The following RBFOX3 variants were observed in gnomAD, a reference collection of about 807,000 sequenced individuals.
RBFOX3 encodes the protein RNA binding fox-1 homolog 3.
In RBFOX3, 17 loss-of-function variants were observed where a neutral mutation model predicts 48.7. The ratio of observed to expected loss-of-function variants is 0.35; its 90% CI spans 0.24 to 0.52. RBFOX3 has a LOEUF of 0.52. Among genes scored for constraint, RBFOX3 ranks in the 20% least tolerant of loss-of-function variants. The probability of loss-of-function intolerance (pLI) is 0.94; values close to 1 mark genes in which losing one functional copy is unlikely to be tolerated. For synonymous variants in RBFOX3, 212 were observed against 209.5 expected, an observed-to-expected ratio of 1.01 and a Z score of -0.10; for missense variants, 382 against 497.5, an observed-to-expected ratio of 0.77 and a Z score of 2.21.
intron 4 of RBFOX3, among the ~76,000 whole-genome samples, chr17:79,155,162 G>T (rs1355149454): frequency 1.3e-5 from 2 of 152,244 alleles, no homozygotes; most frequent in Non-Finnish European, 2.9e-5. Flanking sequence ...CTAGTGCCGC[G>T]TCCCTCCCCG....
chr17:79,233,501 A>C (rs1291597621), intron 4 of RBFOX3: 1 of 152,198 alleles, frequency 6.6e-6, no homozygotes, highest in African/African-American at 2.4e-5. Context: ...TGTGATGTTT[A>C]TCATACCCCC....
chr17:79,655,956 T>C, the RBFOX3 span, among the ~76,000 whole-genome samples: 4 of 152,100 alleles, frequency 2.6e-5, no homozygotes, highest in Admixed American at 2.6e-4. Flanking sequence ...CTGGATGCCA[T>C]TCTCTACCTT....
chr17:79,096,899 G>A, intron 11 of RBFOX3, 66 bp from the exon 12 acceptor site: 1 of 616,790 alleles, frequency 1.6e-6, no homozygotes, highest in East Asian at 2.8e-5. Context: ...AAACCCCGGG[G>A]CCCATAGCCC....
At chr17:79,131,304 C>T (rs1568190334) in intron 4 of RBFOX3, among the ~76,000 whole-genome samples, 1 of 152,144 alleles carries the variant, frequency 6.6e-6, no homozygotes, top group East Asian at 1.9e-4. Context: ...ATGTGCCCTC[C>T]GTGTGCTGTG....
chr17:79,373,970 T>G (rs2058897920), intron 2 of RBFOX3, among the ~76,000 whole-genome samples: 1 of 152,226 alleles, frequency 6.6e-6, no homozygotes, highest in Non-Finnish European at 1.5e-5. Flanking sequence ...GCGATTCTCC[T>G]GACTCAGCCT....
chr17:79,356,282 C>T (rs556840221), intron 2 of RBFOX3, among the ~76,000 whole-genome samples: 60 of 149,730 alleles, frequency 4.0e-4, no homozygotes, highest in African/African-American at 1.4e-3. Context: ...GCACTTGATC[C>T]CACCTGGGCA....
chr17:79,506,011 C>T (rs2083062275), intron 1 of RBFOX3, among the ~76,000 whole-genome samples: 1 of 152,220 alleles, frequency 6.6e-6, no homozygotes, highest in South Asian at 2.1e-4. Context: ...CCTCCCCCTT[C>T]CCTTACTCCC....
chr17:79,411,609 G>C (rs552531765), intron 2 of RBFOX3, among the ~76,000 whole-genome samples: 1 of 152,074 alleles, frequency 6.6e-6, no homozygotes, highest in Non-Finnish European at 1.5e-5. Context: ...GCCCGACTTC[G>C]GTCCCCACGC....
intron 2 of RBFOX3, among the ~76,000 whole-genome samples, chr17:79,444,053 C>T (rs1222176656): frequency 1.3e-5 from 2 of 152,188 alleles, no homozygotes; most frequent in Non-Finnish European, 2.9e-5. Context: ...GCCCTGCTCA[C>T]AAATGCACAC....
chr17:79,538,130 A>G (rs572360211), intron 1 of RBFOX3, among the ~76,000 whole-genome samples: 52 of 152,328 alleles, frequency 3.4e-4, no homozygotes, highest in African/African-American at 1.2e-3. Flanking sequence ...GCTATTTTGC[A>G]AACACAAACC....
chr17:79,445,444 A>G (rs1304790854), intron 2 of RBFOX3, among the ~76,000 whole-genome samples: 1 of 152,160 alleles, frequency 6.6e-6, no homozygotes, highest in East Asian at 1.9e-4. Flanking sequence ...TCGATTCTCT[A>G]AGAAACCTCA....
chr17:79,350,040 C>A (rs748678639), intron 2 of RBFOX3, among the ~76,000 whole-genome samples: 1 of 152,210 alleles, frequency 6.6e-6, no homozygotes, highest in Non-Finnish European at 1.5e-5. Context: ...ATCTGCTCAT[C>A]CCTCGCAGAT....
intron 1 of RBFOX3, among the ~76,000 whole-genome samples, chr17:79,569,901 T>G (rs1051955607): frequency 2.8e-4 from 42 of 149,098 alleles, no homozygotes; most frequent in African/African-American, 9.7e-4. Context: ...AGATTATGGA[T>G]AGATGGTAGA....
intron 2 of RBFOX3, among the ~76,000 whole-genome samples, chr17:79,454,039 C>T (rs921936754): frequency 3.3e-5 from 5 of 152,082 alleles, no homozygotes; most frequent in South Asian, 2.1e-4. Flanking sequence ...GTAGGAAATG[C>T]GCTCTGACAA....
intron 2 of RBFOX3, among the ~76,000 whole-genome samples, chr17:79,345,593 T>G (rs762617758): frequency 1.3e-5 from 2 of 152,234 alleles, no homozygotes; most frequent in Non-Finnish European, 2.9e-5. Context: ...TCTCTTTTTA[T>G]GTTTATTGAT....
chr17:79,097,386 C>G lies in RBFOX3; in HGVS notation c.661G>C (p.Ala221Pro), dbSNP rs2146313081. ...FPYPTTGTAV[A>P]YRGAHLRGRG... The stretch of plus-strand genomic sequence containing the variant: ...CCCCGAAGATGTGCGCCCCGGTAGG[C>G]AACGGCTGTGCCGGTGGTGGGGTAG... Residue 221 changes from alanine to proline, a missense_variant, in exon 11 of 15, where the codon GCC becomes CCC. Transcript: ENST00000693108. 1 of 1,548,490 alleles carries G rather than the reference C, an allele frequency of 6.5e-7. No homozygotes were observed. The highest frequency in any genetic ancestry group is 8.7e-7 in the Non-Finnish European group (1 of 1,146,210).
Position 79,495,319 on chromosome 17 carries a change from G to A in RBFOX3, c.-319-12721C>T, listed in dbSNP as rs369234763. 7.0e-4 allele frequency among the ~76,000 whole-genome samples: 83 copies of A among 119,192 alleles called. 3 individuals are homozygous for A. In the South Asian group the frequency reaches 0.011, roughly 16 times the overall value. 78.2% of individuals were successfully genotyped at this position (119,192 alleles called of 152,430 possible). A position where few individuals can be genotyped will look rare whatever the true frequency, so the allele number is the denominator to read the frequency against. On this transcript the variant is annotated intron_variant, in intron 1 of 14. Coordinates refer to ENST00000693108, the MANE Select transcript of RBFOX3 (RefSeq NM_001350451.2). ...CACCATGGGGGAAGCAGAGAAGGGCGGGGAGTTGGGGGGTGCAGGGGGCTT... is the reference window on the plus strand; with the variant it reads ...CACCATGGGGGAAGCAGAGAAGGGCAGGGAGTTGGGGGGTGCAGGGGGCTT...
intron 2 of RBFOX3, among the ~76,000 whole-genome samples, chr17:79,346,440 G>C (rs536286630): frequency 6.6e-6 from 1 of 152,194 alleles, no homozygotes; most frequent in East Asian, 1.9e-4. Context: ...TCTGTTTCTG[G>C]GAATCCTGGG....
chr17:79,128,699 C>T (rs534373270), intron 4 of RBFOX3, among the ~76,000 whole-genome samples: 12 of 152,182 alleles, frequency 7.9e-5, no homozygotes, highest in African/African-American at 2.7e-4. Flanking sequence ...GCCTGGGAGC[C>T]GGGGCTGCCT....
Sources: allele counts gnomAD v4.1 joint callset (sites outside exome capture counted in the v4.1 genomes callset), GRCh38; gene constraint gnomAD v4.1.1; transcripts MANE v1.5; gene names NCBI Gene and HGNC (gene_info 2026-07-23, HGNC 2026-07-21).